The following TOX2 variants were observed in gnomAD, a reference collection of about 807,000 sequenced individuals.
TOX2 encodes granulosa cell HMG box 1.
TOX2 carries 15 observed loss-of-function variants against 47.4 expected under a neutral mutation model. The observed-to-expected ratio is 0.32, with a 90% confidence interval of 0.21 to 0.49. The LOEUF (loss-of-function observed/expected upper bound fraction) is 0.49, where lower values mean the gene tolerates loss of function less well. Ranked by LOEUF, TOX2 falls within the 20% of genes least tolerant of loss-of-function variation. The probability of loss-of-function intolerance (pLI) is 0.99; values close to 1 mark genes in which losing one functional copy is unlikely to be tolerated. For synonymous variants in TOX2, 290 were observed against 296.6 expected (o/e 0.98, Z 0.23); for missense variants, 622 against 673.1 (o/e 0.92, Z 0.84).
At chr20:44,039,218 G>C in intron 3 of TOX2, 1 of 1,287,112 alleles carries the variant, frequency 7.8e-7, no homozygotes, top group Non-Finnish European at 1.0e-6. Flanking sequence ...CTCTGAGGAG[G>C]TGACATTTCA....
chr20:43,920,603 G>T (rs2069102918), intron 1 of TOX2, among the ~76,000 whole-genome samples: 1 of 152,142 alleles, frequency 6.6e-6, no homozygotes, highest in African/African-American at 2.4e-5. Context: ...TGTGCTGGAG[G>T]CTCCTCCAGG....
intron 3 of TOX2, among the ~76,000 whole-genome samples, chr20:44,019,621 CA>C (rs1272170705): frequency 6.6e-6 from 1 of 152,194 alleles, no homozygotes; most frequent in East Asian, 1.9e-4. Flanking sequence ...GGTGAGTAGT[CA>C]GAACCTGTCA....
intron 1 of TOX2, among the ~76,000 whole-genome samples, chr20:43,958,567 C>T (rs527381231): frequency 6.0e-4 from 92 of 152,348 alleles, no homozygotes; most frequent in African/African-American, 2.1e-3. Context: ...ACCCATTTTC[C>T]CTATGGACCT....
chr20:44,017,020 C>T (rs926745980), intron 3 of TOX2, among the ~76,000 whole-genome samples: 3 of 152,230 alleles, frequency 2.0e-5, no homozygotes, highest in Non-Finnish European at 2.9e-5. Flanking sequence ...TGTGCATTTA[C>T]CAGGGGCCAC....
chr20:43,994,266 A>G (rs1175909522), intron 2 of TOX2, among the ~76,000 whole-genome samples: 1 of 151,590 alleles, frequency 6.6e-6, no homozygotes, highest in Non-Finnish European at 1.5e-5. Flanking sequence ...GGAGTTTGAG[A>G]CCAGCCTGGG....
chr20:44,064,691 A>T, intron 5 of TOX2, 86 bp from the exon 6 acceptor site: 1 of 1,304,782 alleles, frequency 7.7e-7, no homozygotes, highest in Non-Finnish European at 1.1e-6. Flanking sequence ...GTGATCCTTG[A>T]ATCCATGCCT....
chr20:43,944,040 G>A (rs1177616067), intron 1 of TOX2, among the ~76,000 whole-genome samples: 1 of 152,236 alleles, frequency 6.6e-6, no homozygotes, highest in Admixed American at 6.5e-5. Context: ...GTGTGTGTGT[G>A]TGTGTTTCTA....
intron 1 of TOX2, among the ~76,000 whole-genome samples, chr20:43,919,492 G>T (rs1380993347): frequency 6.6e-6 from 1 of 152,170 alleles, no homozygotes; most frequent in Non-Finnish European, 1.5e-5. Context: ...TACACATGAA[G>T]AATCAGCTGG....
intron 3 of TOX2, among the ~76,000 whole-genome samples, chr20:44,049,828 CT>C (rs1347058687): frequency 6.6e-6 from 1 of 152,116 alleles, no homozygotes; most frequent in Non-Finnish European, 1.5e-5. Context: ...GATTTCATCC[CT>C]TTTTATGACT....
chr20:43,926,280 T>C (rs759103967), intron 1 of TOX2, among the ~76,000 whole-genome samples: 11 of 152,124 alleles, frequency 7.2e-5, no homozygotes, highest in Non-Finnish European at 1.5e-4. Context: ...CCCACTCCCA[T>C]GCTTTCTCTG....
chr20:43,957,393 T>C (rs907132370), intron 1 of TOX2, among the ~76,000 whole-genome samples: 5 of 152,250 alleles, frequency 3.3e-5, no homozygotes, highest in African/African-American at 9.6e-5. Flanking sequence ...TTAGCAGAAT[T>C]AAGATTTTGG....
At chr20:43,951,946 G>A (rs1019630818) in intron 1 of TOX2, among the ~76,000 whole-genome samples, 3 of 151,798 alleles carry the variant, frequency 2.0e-5, no homozygotes, top group African/African-American at 7.3e-5. Context: ...GCCCAAGCTG[G>A]AGTGCAGTGG....
At chr20:43,976,797 C>CACACACAT (rs925774189) in intron 2 of TOX2, among the ~76,000 whole-genome samples, 1 of 151,996 alleles carries the variant, frequency 6.6e-6, no homozygotes, top group Non-Finnish European at 1.5e-5. Context: ...CACACACACA[C>CACACACAT]ACACACATAC....
chr20:43,944,819 T>C (rs557135624), intron 1 of TOX2, among the ~76,000 whole-genome samples: 1 of 152,368 alleles, frequency 6.6e-6, no homozygotes, highest in Admixed American at 6.5e-5. Flanking sequence ...TAATAGGTAC[T>C]ATTATCCCCA....
chr20:43,976,031 A>C lies in TOX2; in HGVS notation c.165+2599A>C, dbSNP rs527949594. Among the ~76,000 whole-genome samples the C allele has an allele frequency of 8.4e-4, 128 of 152,374 alleles. No individual in the cohort carries two copies. The Middle Eastern group carries it at 0.01, about 12-fold the overall frequency. On this transcript the variant is annotated intron_variant, in intron 2 of 8. Coordinates refer to ENST00000341197, the MANE Select transcript of TOX2 (RefSeq NM_001098797.2). ...TCCCTAACTTAGGACTTTATGAAGAAGATATCAAAATTCTCTGAGATTAAT... is the reference window on the plus strand; with the variant it reads ...TCCCTAACTTAGGACTTTATGAAGACGATATCAAAATTCTCTGAGATTAAT...
At chr20:43,942,774 A>T (rs1366170127) in intron 1 of TOX2, among the ~76,000 whole-genome samples, 1 of 152,228 alleles carries the variant, frequency 6.6e-6, no homozygotes, top group Non-Finnish European at 1.5e-5. Context: ...AGAGAGAAGC[A>T]TTAAAACTGA....
At chr20:44,053,512 TATATATACAC>T (rs1433018413) in intron 4 of TOX2, among the ~76,000 whole-genome samples, 2 of 143,714 alleles carry the variant, frequency 1.4e-5, no homozygotes, top group African/African-American at 5.3e-5. Context: ...ATATATATAC[TATATATACAC>T]ATATATATAC....
chr20:43,982,930 C>T (rs2070193666), intron 2 of TOX2, among the ~76,000 whole-genome samples: 2 of 151,608 alleles, frequency 1.3e-5, no homozygotes, highest in African/African-American at 2.4e-5. Context: ...GTACTTTGTT[C>T]CTAGAGTGAG....
chr20:44,045,282 A>G (rs1235642995), intron 3 of TOX2, among the ~76,000 whole-genome samples: 3 of 152,164 alleles, frequency 2.0e-5, no homozygotes, highest in Admixed American at 6.5e-5. Context: ...ATTTTATCAC[A>G]ATTTAAATTT....
Sources: gnomAD v4.1 joint callset for allele counts (sites outside exome capture counted in the v4.1 genomes callset) on GRCh38, gnomAD v4.1.1 for gene constraint, MANE v1.5 for transcripts, NCBI Gene and HGNC (gene_info 2026-07-23, HGNC 2026-07-21) for gene names.